TEX9: variants seen among roughly 807,000 people sequenced by gnomAD.
TEX9 encodes testis-expressed protein 9.
Under a neutral mutation model 59.6 loss-of-function variants are expected in TEX9, and 74 were observed. The ratio of observed to expected loss-of-function variants is 1.24; its 90% CI spans 1.03 to 1.51. The LOEUF (loss-of-function observed/expected upper bound fraction) is 1.51. TEX9 is among the 40% of genes most tolerant of loss of function. TEX9 has a pLI of 0.00. For missense variants in TEX9, 522 were observed against 447.8 expected (o/e 1.17, Z -1.49); for synonymous variants, 186 against 152.2 (o/e 1.22, Z -1.64).
the TEX9 span, among the ~76,000 whole-genome samples, chr15:56,452,485 A>G: frequency 8.0e-4 from 122 of 151,684 alleles, no homozygotes; most frequent in African/African-American, 2.7e-3. Flanking sequence ...GAAAATGGGT[A>G]TTCAGTATAA....
chr15:56,289,676 C>T (rs376916194), intron 1 of TEX9, among the ~76,000 whole-genome samples: 24 of 152,158 alleles, frequency 1.6e-4, no homozygotes, highest in East Asian at 1.2e-3. Context: ...CTGGGTCTGG[C>T]GTGTGGGCTC....
At chr15:56,362,675 C>T (rs1358483992), upstream of TEX9, among the ~76,000 whole-genome samples, 1 of 152,086 alleles carries the variant, frequency 6.6e-6, no homozygotes, top group Non-Finnish European at 1.5e-5. Context: ...TCACTAGCGC[C>T]CCCCAAACCC....
intron 1 of TEX9, among the ~76,000 whole-genome samples, chr15:56,328,290 C>A (rs2046068620): frequency 6.6e-6 from 1 of 152,106 alleles, no homozygotes; most frequent in Admixed American, 6.5e-5. Flanking sequence ...CAGGACTCAT[C>A]ACCTACTAAC....
intron 1 of TEX9, among the ~76,000 whole-genome samples, chr15:56,316,858 C>T (rs931445249): frequency 1.3e-5 from 2 of 152,174 alleles, no homozygotes; most frequent in African/African-American, 2.4e-5. Flanking sequence ...CGTGGTGCAT[C>T]GTTTTTTAAG....
chr15:56,379,876 G>A (rs1366204151), intron 3 of TEX9, among the ~76,000 whole-genome samples: 6 of 147,798 alleles, frequency 4.1e-5, no homozygotes, highest in East Asian at 2.0e-4. Flanking sequence ...TTTTGGTGTA[G>A]AATATCTTTT....
chr15:56,349,611 C>T (rs1302754545), intron 1 of TEX9, among the ~76,000 whole-genome samples: 1 of 152,080 alleles, frequency 6.6e-6, no homozygotes, highest in East Asian at 1.9e-4. Flanking sequence ...TCCCTTCACC[C>T]AAGTATCGTT....
chr15:56,394,616 A>G, intron 8 of TEX9, 45 bp from the exon 9 acceptor site: 1 of 1,357,042 alleles, frequency 7.4e-7, no homozygotes, highest in Non-Finnish European at 1.0e-6. Flanking sequence ...TTTGATAACA[A>G]ATCTTACATA....
At chr15:56,305,563 G>T (rs2045462430) in intron 1 of TEX9, among the ~76,000 whole-genome samples, 1 of 152,146 alleles carries the variant, frequency 6.6e-6, no homozygotes, top group South Asian at 2.1e-4. Context: ...GGAAAACTGA[G>T]TATCTATATG....
Position 56,367,261 on chromosome 15 carries a change from G to C in TEX9, c.119+1591G>C, listed in dbSNP as rs558277917. On this transcript the variant is annotated intron_variant, in intron 2 of 12. Transcript: ENST00000352903. Reference sequence around the variant, plus strand: ...TGTGCACATCTGAAGCATATGAACAGAGTAACTCCCTACACTACCTGAATC... The same window carrying C: ...TGTGCACATCTGAAGCATATGAACACAGTAACTCCCTACACTACCTGAATC... Among the ~76,000 whole-genome samples the C allele has an allele frequency of 4.6e-5, 7 of 152,064 alleles. No homozygotes were observed. In the South Asian group the frequency reaches 1.5e-3, roughly 32 times the overall value.
chr15:56,425,845 A>G (rs1009758239), intron 10 of TEX9, among the ~76,000 whole-genome samples: 2 of 152,116 alleles, frequency 1.3e-5, no homozygotes, highest in Admixed American at 6.6e-5. Flanking sequence ...AGTCTTGCAG[A>G]CTGGCTGCAT....
At chr15:56,246,696 G>A (rs2043866310) in intron 1 of TEX9, among the ~76,000 whole-genome samples, 1 of 152,110 alleles carries the variant, frequency 6.6e-6, no homozygotes, top group South Asian at 2.1e-4. Context: ...ATTGTAGTAA[G>A]CATGACTTTT....
chr15:56,393,480 A>G (rs1205119293), intron 7 of TEX9, among the ~76,000 whole-genome samples: 1 of 152,194 alleles, frequency 6.6e-6, no homozygotes, highest in African/African-American at 2.4e-5. Flanking sequence ...GATAAATTCC[A>G]TGATGGTAAG....
intron 1 of TEX9, among the ~76,000 whole-genome samples, chr15:56,291,287 T>C (rs938909671): frequency 3.9e-5 from 6 of 152,224 alleles, no homozygotes; most frequent in Non-Finnish European, 8.8e-5. Context: ...TAGAATGTGA[T>C]TTGAAACTGA....
chr15:56,308,748 C>G (rs1301494324), intron 1 of TEX9, among the ~76,000 whole-genome samples: 2 of 152,102 alleles, frequency 1.3e-5, no homozygotes, highest in Non-Finnish European at 2.9e-5. Flanking sequence ...AGGAAGGGGT[C>G]CAACTTCATT....
At chr15:56,251,605 C>T (rs186423194) in intron 1 of TEX9, among the ~76,000 whole-genome samples, 1 of 152,168 alleles carries the variant, frequency 6.6e-6, no homozygotes, top group Admixed American at 6.5e-5. Context: ...CAAGAGAAAG[C>T]TAACCTCAGA....
At chr15:56,427,157 T>C (rs4774859) in intron 10 of TEX9, among the ~76,000 whole-genome samples, 52,926 of 151,956 alleles carry the variant, frequency 0.35, 10,597 homozygotes, top group Non-Finnish European at 0.45. Flanking sequence ...AACTGGAAAG[T>C]GCTTTTAGAA....
chr15:56,426,844 C>G (rs1200763742), intron 10 of TEX9, among the ~76,000 whole-genome samples: 5 of 151,374 alleles, frequency 3.3e-5, no homozygotes, highest in African/African-American at 1.2e-4. Flanking sequence ...GCCCAAATTG[C>G]TAAAGAGCTT....
Position 56,369,621 on chromosome 15 carries a change from T to C in TEX9, c.120-3820T>C, listed in dbSNP as rs377743870. 3.9e-5 allele frequency among the ~76,000 whole-genome samples: 6 copies of C among 152,098 alleles called. No individual in the cohort carries two copies. The East Asian group carries it at 5.8e-4, about 15-fold the overall frequency. ...AAGTGCTGGTATTACAGGCCCAGCC[T>C]AGTTTATTTTAAATTGCATTATGAT... is the stretch of plus-strand genomic sequence containing the variant. On this transcript the variant is annotated intron_variant, in intron 2 of 12. Coordinates refer to ENST00000352903, the Ensembl canonical transcript of TEX9.
At chr15:56,357,459 A>G (rs1450153207) in intron 1 of TEX9, among the ~76,000 whole-genome samples, 1 of 152,116 alleles carries the variant, frequency 6.6e-6, no homozygotes, top group Non-Finnish European at 1.5e-5. Flanking sequence ...TGCTTCTTGA[A>G]CTTACATATT....
Sources: allele counts gnomAD v4.1 joint callset (sites outside exome capture counted in the v4.1 genomes callset), GRCh38; gene constraint gnomAD v4.1.1; transcripts MANE v1.5; gene names NCBI Gene and HGNC (gene_info 2026-07-23, HGNC 2026-07-21).